RELN: variants seen among roughly 807,000 people sequenced by gnomAD.
The protein encoded by RELN is reelin.
Under a neutral mutation model 427.6 loss-of-function variants are expected in RELN, and 108 were observed. The ratio of observed to expected loss-of-function variants is 0.25; its 90% CI spans 0.22 to 0.30. RELN has a LOEUF of 0.30. Among genes scored for constraint, RELN ranks in the 10% least tolerant of loss-of-function variants. The pLI is 1.00. For synonymous variants in RELN, 1,524 were observed against 1,513.4 expected, an observed-to-expected ratio of 1.01 and a Z score of -0.16; for missense variants, 3,715 against 4,302.8, an observed-to-expected ratio of 0.86 and a Z score of 3.82.
Position 103,956,385 on chromosome 7 carries a change from T to A in RELN, c.226+32746A>T, listed in dbSNP as rs189711308. 4.2e-3 allele frequency among the ~76,000 whole-genome samples: 642 copies of A among 152,294 alleles called. 18 individuals are homozygous for A. The highest frequency in any genetic ancestry group is 0.038 in the Admixed American group (587 of 15,298). ...AAACAAAGTAACAACACTGCTGAAG[T>A]AATCTCCTGTAAAGAAAAGACCAGG... On this transcript the variant is annotated intron_variant, in intron 1 of 64. Transcript: ENST00000428762.
chr7:103,682,864 T>G (rs1284132560), intron 10 of RELN, among the ~76,000 whole-genome samples: 3 of 152,186 alleles, frequency 2.0e-5, no homozygotes, highest in African/African-American at 7.2e-5. Flanking sequence ...AACTATGAAC[T>G]TTGTTAATCC....
intron 3 of RELN, among the ~76,000 whole-genome samples, chr7:103,804,332 G>A (rs554571301): frequency 9.9e-4 from 151 of 152,174 alleles, no homozygotes; most frequent in African/African-American, 3.5e-3. Flanking sequence ...GTTGTCTGAA[G>A]TTGCTGGAAA....
At chr7:103,615,841 T>A (rs866028322) in intron 20 of RELN, among the ~76,000 whole-genome samples, 3 of 152,234 alleles carry the variant, frequency 2.0e-5, no homozygotes, top group African/African-American at 7.2e-5. Context: ...AATGCTGTAA[T>A]GAATACCGAC....
At position 103,640,532 on chromosome 7, in the gene RELN, A is replaced by G; in HGVS notation, c.2069+11T>C. The G allele has an allele frequency of 6.2e-7, 1 of 1,613,184 alleles. No individual in the cohort carries two copies. Among genetic ancestry groups the G allele is most frequent in the Non-Finnish European group, 8.5e-7 (1 of 1,179,262 alleles). On this transcript the variant is annotated intron_variant, in intron 17 of 64. Transcript: ENST00000428762. The surrounding 1 kb of genome is among the most constrained non-coding windows in gnomAD (Gnocchi z 4.1). ...AAAGGAGAAGCATAAGTGTTATTTTAAGATGCTTACTTGCAACCATGTCTA... is the reference window on the plus strand; with the variant it reads ...AAAGGAGAAGCATAAGTGTTATTTTGAGATGCTTACTTGCAACCATGTCTA...
At chr7:103,985,488 C>T (rs1049752524) in intron 1 of RELN, among the ~76,000 whole-genome samples, 2 of 152,128 alleles carry the variant, frequency 1.3e-5, no homozygotes, top group East Asian at 3.9e-4. Context: ...AATGGCTGAC[C>T]TCTCCTTTTT....
intron 4 of RELN, among the ~76,000 whole-genome samples, chr7:103,754,221 T>G (rs559171203): frequency 6.6e-6 from 1 of 152,188 alleles, no homozygotes; most frequent in Non-Finnish European, 1.5e-5. Flanking sequence ...TTGACCACAT[T>G]ATATCCAAAT....
intron 46 of RELN, among the ~76,000 whole-genome samples, chr7:103,526,856 T>A (rs1829833023): frequency 6.6e-6 from 1 of 152,176 alleles, no homozygotes; most frequent in South Asian, 2.1e-4. Context: ...TTATCATTTA[T>A]CTTTATAATG....
chr7:103,732,943 T>G lies in RELN; in HGVS notation c.657-4736A>C, dbSNP rs555495443. On this transcript the variant is annotated intron_variant, in intron 6 of 64. Transcript: ENST00000428762. ...AATTAGATCCCATTTGTCAATTTTGTCTTTTGTTGCCATTGCTTTTGGTGT... is the reference window on the plus strand; with the variant it reads ...AATTAGATCCCATTTGTCAATTTTGGCTTTTGTTGCCATTGCTTTTGGTGT... 3.1e-3 allele frequency among the ~76,000 whole-genome samples: 474 copies of G among 152,062 alleles called. 1 individual carries two copies. The highest frequency in any genetic ancestry group is 0.011 in the African/African-American group (449 of 41,514).
chr7:103,931,794 G>A (rs573497328), intron 1 of RELN, among the ~76,000 whole-genome samples: 1 of 152,228 alleles, frequency 6.6e-6, no homozygotes, highest in African/African-American at 2.4e-5. Context: ...TGCTTCCACT[G>A]TCCAGGCAGC....
At position 103,589,765 on chromosome 7, in the gene RELN, C is replaced by G; in HGVS notation, c.3976G>C (p.Asp1326His). Residue 1326 changes from aspartate to histidine, a missense_variant, in exon 28 of 65, where the codon GAT becomes CAT. Coordinates refer to ENST00000428762, the MANE Select transcript of RELN (RefSeq NM_005045.4). The part of the protein sequence containing the change: ...TAPVLLQYSH[D>H]AGMSWFLVKE... ...ACCAGAAACCAGGACATACCAGCATCATGAGAGTACTGAAGAAGAACTGGA... is the reference window on the plus strand; with the variant it reads ...ACCAGAAACCAGGACATACCAGCATGATGAGAGTACTGAAGAAGAACTGGA... 6.2e-7 allele frequency: 1 copy of G among 1,613,858 alleles called. No individual in the cohort carries two copies. The highest frequency in any genetic ancestry group is 8.5e-7 in the Non-Finnish European group (1 of 1,179,756).
rs570721260 is a variant in RELN at position 103,579,608 on chromosome 7, A to C, written c.4146-3903T>G. ...AGTAAGACTCCATCTCCAAAAAAAA[A>C]AAAAAAAAAGTACGTCACAGTGTGG... On this transcript the variant is annotated intron_variant, in intron 28 of 64. Coordinates refer to ENST00000428762, the MANE Select transcript of RELN (RefSeq NM_005045.4). Among the ~76,000 whole-genome samples the C allele has an allele frequency of 3.7e-3, 560 of 152,164 alleles. 2 individuals carry two copies. Among genetic ancestry groups the C allele is most frequent in the African/African-American group, 0.013 (539 of 41,516 alleles).
intron 1 of RELN, among the ~76,000 whole-genome samples, chr7:103,973,078 T>G (rs1796798105): frequency 6.6e-6 from 1 of 152,224 alleles, no homozygotes; most frequent in Admixed American, 6.5e-5. Context: ...TCCAGAATTT[T>G]GTTGAAAGAG....
intron 6 of RELN, among the ~76,000 whole-genome samples, chr7:103,740,862 AGG>A (rs1468136689): frequency 6.6e-6 from 1 of 151,818 alleles, no homozygotes; most frequent in Non-Finnish European, 1.5e-5. Flanking sequence ...TTAGAATCCC[AGG>A]GGGAAAATAT....
chr7:103,576,355 G>A (rs1424669123), intron 28 of RELN, among the ~76,000 whole-genome samples: 1 of 152,134 alleles, frequency 6.6e-6, no homozygotes, highest in African/African-American at 2.4e-5. Flanking sequence ...GGCCAGGCTG[G>A]TCTCAAACTC....
At chr7:103,893,743 C>CA (rs1412513176) in intron 2 of RELN, among the ~76,000 whole-genome samples, 4 of 152,092 alleles carry the variant, frequency 2.6e-5, no homozygotes, top group Admixed American at 1.3e-4. Context: ...CTCACATAAC[C>CA]AAAAAAATTC....
chr7:103,845,400 C>T lies in RELN; in HGVS notation c.338-11728G>A, dbSNP rs113686787. Among the ~76,000 whole-genome samples, 257 of 152,212 alleles carry T rather than the reference C, an allele frequency of 1.7e-3. 1 individual carries two copies. Among genetic ancestry groups the T allele is most frequent in the African/African-American group, 5.9e-3 (245 of 41,540 alleles). On this transcript the variant is annotated intron_variant, in intron 2 of 64. Transcript: ENST00000428762. ...TTTGCCATGTTGGCCAGGTGGGTCT[C>T]GAACTCCTAACCTCAAGTGATACAC... is the stretch of plus-strand genomic sequence containing the variant.
intron 42 of RELN, 70 bp from the exon 43 acceptor site, chr7:103,542,948 G>A: frequency 6.8e-7 from 1 of 1,469,020 alleles, no homozygotes; most frequent in South Asian, 1.2e-5. Context: ...TTTTTAAAAG[G>A]AGTATGGTAA....
chr7:103,738,509 A>T (rs1050744711), intron 6 of RELN, among the ~76,000 whole-genome samples: 1 of 151,832 alleles, frequency 6.6e-6, no homozygotes, highest in Non-Finnish European at 1.5e-5. Flanking sequence ...CATGATATAC[A>T]ACATAATCAT....
intron 1 of RELN, among the ~76,000 whole-genome samples, chr7:103,938,872 G>T (rs926253310): frequency 6.6e-6 from 1 of 151,928 alleles, no homozygotes; most frequent in Non-Finnish European, 1.5e-5. Flanking sequence ...TGATCATGAA[G>T]GGAAAACTTA....
Sources: gnomAD v4.1 joint callset for allele counts (sites outside exome capture counted in the v4.1 genomes callset) on GRCh38, gnomAD v4.1.1 for gene constraint, Gnocchi (gnomAD v3.1) non-coding constraint, MANE v1.5 for transcripts, NCBI Gene and HGNC (gene_info 2026-07-23, HGNC 2026-07-21) for gene names.